Variants in GPHN observed in about 807,000 individuals in gnomAD.
The protein encoded by GPHN is gephyrin.
In GPHN, 17 loss-of-function variants were observed where a neutral mutation model predicts 95.5. The ratio of observed to expected loss-of-function variants is 0.18; its 90% confidence interval spans 0.12 to 0.27. The LOEUF is 0.27. Among genes scored for constraint, GPHN ranks in the 10% least tolerant of loss-of-function variants. GPHN has a pLI of 1.00. For synonymous variants in GPHN, 320 were observed against 322.5 expected (o/e 0.99, Z 0.08); for missense variants, 660 against 978.1 (o/e 0.67, Z 4.34).
intron 2 of GPHN, among the ~76,000 whole-genome samples, chr14:66,734,898 TAATTC>T (rs1251857606): frequency 1.3e-5 from 2 of 152,208 alleles, no homozygotes. Context: ...CTAAAGTTGT[TAATTC>T]AGTTCAACAG....
chr14:67,707,904 C>T, the GPHN span, among the ~76,000 whole-genome samples: 2 of 151,986 alleles, frequency 1.3e-5, no homozygotes, highest in Non-Finnish European at 2.9e-5. Flanking sequence ...AGGTAAGAGG[C>T]CAATTTTTCC....
the GPHN span, chr14:67,676,696 A>C: frequency 6.6e-6 from 1 of 152,270 alleles, no homozygotes; most frequent in South Asian, 2.1e-4. Context: ...AACCTAAATT[A>C]ATAGCATGTG....
chr14:66,962,325 T>G (rs1022667848), intron 8 of GPHN, among the ~76,000 whole-genome samples: 2 of 150,930 alleles, frequency 1.3e-5, no homozygotes, highest in African/African-American at 4.9e-5. Context: ...ATCTCCAGCA[T>G]AGGCAGTTTT....
At chr14:67,375,280 G>A in the GPHN span, among the ~76,000 whole-genome samples, 2 of 133,190 alleles carry the variant, frequency 1.5e-5, no homozygotes, top group African/African-American at 5.5e-5. Flanking sequence ...GTGTGTGTGT[G>A]TGTCACAAAG....
intron 3 of GPHN, among the ~76,000 whole-genome samples, chr14:66,796,992 G>A (rs549776275): frequency 2.9e-5 from 3 of 103,098 alleles, no homozygotes; most frequent in South Asian, 6.3e-4. Flanking sequence ...TTTGATTTTT[G>A]TATATGGTGA....
intron 11 of GPHN, among the ~76,000 whole-genome samples, chr14:67,077,357 G>C (rs898928913): frequency 6.6e-6 from 1 of 152,062 alleles, no homozygotes; most frequent in Admixed American, 6.6e-5. Flanking sequence ...GTTAGGCAAG[G>C]CTAGGCTCTG....
chr14:67,210,179 A>T, the GPHN span, among the ~76,000 whole-genome samples: 2 of 152,230 alleles, frequency 1.3e-5, no homozygotes, highest in African/African-American at 4.8e-5. Flanking sequence ...CATATGGAAA[A>T]CCTGTAAGTA....
the GPHN span, among the ~76,000 whole-genome samples, chr14:67,196,591 A>G: frequency 1.3e-5 from 2 of 152,206 alleles, no homozygotes; most frequent in African/African-American, 4.8e-5. Context: ...AGCACACTTT[A>G]AACAGCAATT....
chr14:66,787,729 T>C (rs1464493623), intron 3 of GPHN, among the ~76,000 whole-genome samples: 1 of 151,444 alleles, frequency 6.6e-6, no homozygotes, highest in Non-Finnish European at 1.5e-5. Flanking sequence ...CAATGGAGAA[T>C]AGACTTCAAC....
the GPHN span, chr14:67,579,016 T>G: frequency 1.4e-6 from 1 of 708,650 alleles, no homozygotes; most frequent in South Asian, 1.6e-5. Flanking sequence ...TTCAGGGCTT[T>G]TCTCACAACC....
intron 4 of GPHN, among the ~76,000 whole-genome samples, chr14:66,851,372 C>T (rs2062576547): frequency 6.6e-6 from 1 of 151,834 alleles, no homozygotes; most frequent in African/African-American, 2.4e-5. Context: ...GACAGGAGCT[C>T]CCTCTGTCAC....
At chr14:67,270,870 G>A in the GPHN span, 5 of 152,070 alleles carry the variant, frequency 3.3e-5, no homozygotes, top group African/African-American at 1.2e-4. Flanking sequence ...AGGATAGTCT[G>A]GAAAGATTTC....
the GPHN span, among the ~76,000 whole-genome samples, chr14:67,734,868 A>T: frequency 6.6e-6 from 1 of 152,084 alleles, no homozygotes; most frequent in South Asian, 2.1e-4. Context: ...AGAATGCATC[A>T]TTTCCTGCCG....
At chr14:66,665,914 T>A (rs896189321) in intron 1 of GPHN, among the ~76,000 whole-genome samples, 4 of 152,106 alleles carry the variant, frequency 2.6e-5, no homozygotes, top group African/African-American at 9.7e-5. Flanking sequence ...TGGAATACTA[T>A]GCAGCCATAA....
chr14:67,611,391 G>A, the GPHN span, among the ~76,000 whole-genome samples: 1 of 151,762 alleles, frequency 6.6e-6, no homozygotes, highest in Admixed American at 6.6e-5. Context: ...CTCCCGAGTA[G>A]TTGGGACTAC....
At chr14:67,716,866 A>G in the GPHN span, among the ~76,000 whole-genome samples, 1 of 151,370 alleles carries the variant, frequency 6.6e-6, no homozygotes. Flanking sequence ...CCTGAGTGAC[A>G]GAGTGAGTCT....
the GPHN span, among the ~76,000 whole-genome samples, chr14:67,393,478 G>C: frequency 2.0e-5 from 3 of 152,130 alleles, no homozygotes; most frequent in Admixed American, 6.5e-5. Context: ...TTTTGAGACA[G>C]AGTCTCGCTC....
chr14:67,455,791 G>A, the GPHN span, among the ~76,000 whole-genome samples: 1 of 151,938 alleles, frequency 6.6e-6, no homozygotes, highest in African/African-American at 2.4e-5. Context: ...CACCTGCTTT[G>A]GGTCAGGTGC....
the GPHN span, chr14:67,347,546 G>A: frequency 2.7e-6 from 3 of 1,115,392 alleles, no homozygotes; most frequent in Non-Finnish European, 1.3e-6. Context: ...TTGTCGCCGA[G>A]GCTGGAATGC....
Sources: allele counts gnomAD v4.1 joint callset (sites outside exome capture counted in the v4.1 genomes callset), GRCh38; gene constraint gnomAD v4.1.1; transcripts MANE v1.5; gene names NCBI Gene and HGNC (gene_info 2026-07-23, HGNC 2026-07-21).